DNM3: variants seen among roughly 807,000 people sequenced by gnomAD.
The protein encoded by DNM3 is dynamin 3.
In DNM3, 47 loss-of-function variants were observed where a neutral mutation model predicts 101.6. The ratio of observed to expected loss-of-function variants is 0.46; its 90% CI spans 0.37 to 0.59. The LOEUF (loss-of-function observed/expected upper bound fraction) is 0.59. DNM3 is among the 20% of genes least tolerant of loss of function. DNM3 has a pLI of 0.00. For missense variants in DNM3, 849 were observed against 1,085.7 expected (o/e 0.78, Z 3.06); for synonymous variants, 385 against 387.9 (o/e 0.99, Z 0.09).
chr1:172,077,491 G>A (rs192476562), intron 11 of DNM3, among the ~76,000 whole-genome samples: 63 of 152,204 alleles, frequency 4.1e-4, no homozygotes, highest in East Asian at 1.5e-3. Context: ...TAACTGTGTC[G>A]CAGAGATTCT....
chr1:171,866,440 GC>G (rs2034755410), intron 1 of DNM3, among the ~76,000 whole-genome samples: 1 of 151,756 alleles, frequency 6.6e-6, no homozygotes, highest in Non-Finnish European at 1.5e-5. Flanking sequence ...CATCTAGAAT[GC>G]TTTTGCTCCT....
At chr1:172,331,579 A>G (rs895656539) in intron 17 of DNM3, among the ~76,000 whole-genome samples, 23 of 152,122 alleles carry the variant, frequency 1.5e-4, no homozygotes, top group African/African-American at 4.8e-4. Context: ...TTTGCTAGGC[A>G]CCCCACCAGA....
chr1:172,163,346 T>C (rs1324624921), intron 14 of DNM3, among the ~76,000 whole-genome samples: 1 of 151,700 alleles, frequency 6.6e-6, no homozygotes, highest in Non-Finnish European at 1.5e-5. Flanking sequence ...TCAAGCCATT[T>C]TTCTGCCTTA....
At chr1:171,989,828 AG>A (rs1402560039) in intron 4 of DNM3, among the ~76,000 whole-genome samples, 5 of 152,224 alleles carry the variant, frequency 3.3e-5, no homozygotes, top group Admixed American at 2.0e-4. Context: ...TTCAATATGG[AG>A]ATACATGTTC....
At chr1:172,090,434 T>C (rs1211492799) in intron 12 of DNM3, among the ~76,000 whole-genome samples, 1 of 152,128 alleles carries the variant, frequency 6.6e-6, no homozygotes, top group Non-Finnish European at 1.5e-5. Flanking sequence ...GCACATTGGA[T>C]CCTGGTTACC....
intron 1 of DNM3, among the ~76,000 whole-genome samples, chr1:171,918,439 C>CT (rs1399142544): frequency 6.6e-6 from 1 of 152,154 alleles, no homozygotes; most frequent in African/African-American, 2.4e-5. Flanking sequence ...CAAGAGTGTG[C>CT]TGGGCATATG....
At chr1:171,989,634 T>G (rs2045505847) in intron 4 of DNM3, among the ~76,000 whole-genome samples, 1 of 152,188 alleles carries the variant, frequency 6.6e-6, no homozygotes, top group Non-Finnish European at 1.5e-5. Context: ...AAAATGTACG[T>G]ATAAGCAGGG....
intron 2 of DNM3, among the ~76,000 whole-genome samples, chr1:171,968,803 A>G (rs1164812038): frequency 2.0e-5 from 3 of 152,186 alleles, no homozygotes; most frequent in African/African-American, 7.2e-5. Flanking sequence ...AATGGGACTA[A>G]ATTTAAATAT....
intron 10 of DNM3, 48 bp downstream of exon 10, chr1:172,048,798 A>G: frequency 6.3e-7 from 1 of 1,590,198 alleles, no homozygotes; most frequent in Non-Finnish European, 8.6e-7. Flanking sequence ...TGGTTTATCA[A>G]CATTCCCTAT....
chr1:171,870,802 T>C (rs778538687), intron 1 of DNM3, among the ~76,000 whole-genome samples: 6 of 152,098 alleles, frequency 3.9e-5, no homozygotes, highest in Non-Finnish European at 8.8e-5. Context: ...GTATTTGTAA[T>C]GTGAAGTCCA....
At chr1:172,337,906 AT>A (rs1285750870) in intron 17 of DNM3, among the ~76,000 whole-genome samples, 1 of 123,460 alleles carries the variant, frequency 8.1e-6, no homozygotes, top group Non-Finnish European at 1.7e-5. Flanking sequence ...ATTTTATTTT[AT>A]TTTATTTTAT....
chr1:172,317,190 C>T (rs1210921772), intron 16 of DNM3, among the ~76,000 whole-genome samples: 33 of 151,156 alleles, frequency 2.2e-4, no homozygotes, highest in Middle Eastern at 3.4e-3. Flanking sequence ...TTGAAACCAA[C>T]GAGAACAAAG....
Position 172,409,576 on chromosome 1 carries a change from C to A in DNM3, c.*1735C>A. The A allele has an allele frequency of 1.0e-6, 1 of 985,270 alleles. No homozygotes were observed. Among genetic ancestry groups the A allele is most frequent in the Non-Finnish European group, 1.2e-6 (1 of 829,824 alleles). 61.0% of individuals were successfully genotyped at this position (985,270 alleles called of 1,614,324 possible). A position where few individuals can be genotyped will look rare whatever the true frequency, so the allele number is the denominator to read the frequency against. On this transcript the variant is annotated 3_prime_UTR_variant, in exon 21 of 21. Coordinates refer to ENST00000627582, the MANE Select transcript of DNM3 (RefSeq NM_015569.5). ...AATCCTAAATCCTCTCGTATCTCAC[C>A]CCAAACCCCAAACTGGGGGAAAAAA... is the stretch of plus-strand genomic sequence containing the variant.
At position 172,216,424 on chromosome 1, in the gene DNM3, C is replaced by G. The variant is rs139574389; in HGVS notation, c.1660-37149C>G. On this transcript the variant is annotated intron_variant, in intron 14 of 20. Coordinates refer to ENST00000627582, the MANE Select transcript of DNM3 (RefSeq NM_015569.5). ...CTATTTATTCCTGAAAATTTTCCCT[C>G]CCCATTTAAAAATAAGCAGAAATAA... Among the ~76,000 whole-genome samples, 297 of 152,118 alleles carry G rather than the reference C, an allele frequency of 2.0e-3. 1 individual carries two copies. The highest frequency in any genetic ancestry group is 3.7e-3 in the Non-Finnish European group (251 of 67,960).
intron 17 of DNM3, among the ~76,000 whole-genome samples, chr1:172,355,004 G>T (rs2067379058): frequency 6.6e-6 from 1 of 152,144 alleles, no homozygotes; most frequent in Non-Finnish European, 1.5e-5. Context: ...TGAATGGAAG[G>T]AGAGAAAAGT....
chr1:172,057,170 G>C (rs1022673694), intron 10 of DNM3, among the ~76,000 whole-genome samples: 1 of 152,128 alleles, frequency 6.6e-6, no homozygotes, highest in African/African-American at 2.4e-5. Context: ...AACGAGCAAA[G>C]CCTCCAAGAA....
intron 4 of DNM3, among the ~76,000 whole-genome samples, chr1:172,011,643 A>G (rs1335179917): frequency 1.3e-5 from 2 of 152,018 alleles, no homozygotes; most frequent in African/African-American, 4.8e-5. Flanking sequence ...ATTCTCTTAT[A>G]TTCAGAAACA....
rs1281547930 is a variant in DNM3 at position 172,408,434 on chromosome 1, G to C, written c.*593G>C. On this transcript the variant is annotated 3_prime_UTR_variant, in exon 21 of 21. Transcript: ENST00000627582. ...GAGGTAGTTTGCAAAGGAAAAGTCT[G>C]CACTGTTTGCTCTAAAGAGCTTCTC... The C allele has an allele frequency of 1.0e-6, 1 of 985,490 alleles. No homozygotes were observed. The highest frequency in any genetic ancestry group is 1.2e-6 in the Non-Finnish European group (1 of 830,102). 61.0% of individuals were successfully genotyped at this position (985,490 alleles called of 1,614,324 possible).
chr1:171,901,141 C>G (rs4916238), intron 1 of DNM3, among the ~76,000 whole-genome samples: 16,125 of 127,040 alleles, frequency 0.13, 1,403 homozygotes, highest in South Asian at 0.24. Flanking sequence ...AGAAAGAAAT[C>G]TATGAAGTTC....
Sources: allele counts gnomAD v4.1 joint callset (sites outside exome capture counted in the v4.1 genomes callset), GRCh38; gene constraint gnomAD v4.1.1; transcripts MANE v1.5; gene names NCBI Gene and HGNC (gene_info 2026-07-23, HGNC 2026-07-21).